Variants in PRKCH observed in about 807,000 individuals in gnomAD.
PRKCH encodes protein kinase C eta.
In PRKCH, 28 loss-of-function variants were observed where a neutral mutation model predicts 82.5. The observed-to-expected ratio is 0.34, with a 90% CI of 0.25 to 0.47. PRKCH has a LOEUF of 0.47. Among genes scored for constraint, PRKCH ranks in the 20% least tolerant of loss-of-function variants. The pLI, the probability that PRKCH is intolerant of heterozygous loss-of-function variation, is 1.00. For missense variants in PRKCH, 705 were observed against 881.8 expected (o/e 0.80, Z 2.54); for synonymous variants, 322 against 327.4 (o/e 0.98, Z 0.18).
At chr14:61,487,880 G>A (rs1170123621) in intron 10 of PRKCH, among the ~76,000 whole-genome samples, 5 of 151,544 alleles carry the variant, frequency 3.3e-5, no homozygotes, top group South Asian at 2.1e-4. Flanking sequence ...CCAGCCGGGC[G>A]CGGTGGCTCA....
chr14:61,264,343 A>C (rs1382570525), intron 1 of PRKCH, among the ~76,000 whole-genome samples: 1 of 152,238 alleles, frequency 6.6e-6, no homozygotes, highest in Non-Finnish European at 1.5e-5. Context: ...TAGCATTGCC[A>C]GTCCTAAGGT....
chr14:61,349,074 C>T, intron 1 of PRKCH, among the ~76,000 whole-genome samples: 1 of 152,364 alleles, frequency 6.6e-6, no homozygotes, highest in South Asian at 2.1e-4. Flanking sequence ...TAAAAGTATG[C>T]ACTTGAGACC....
chr14:61,271,322 A>T (rs2045151837), intron 1 of PRKCH, among the ~76,000 whole-genome samples: 1 of 152,114 alleles, frequency 6.6e-6, no homozygotes, highest in Non-Finnish European at 1.5e-5. Context: ...ACCCTACACT[A>T]AAATCACCCT....
chr14:61,513,087 T>A (rs1264486065), intron 10 of PRKCH, among the ~76,000 whole-genome samples: 3 of 152,116 alleles, frequency 2.0e-5, no homozygotes. Flanking sequence ...AACAGCGCAA[T>A]GGGATTGGTA....
At chr14:61,432,959 T>C (rs1434414181) in intron 2 of PRKCH, among the ~76,000 whole-genome samples, 2 of 149,796 alleles carry the variant, frequency 1.3e-5, no homozygotes, top group African/African-American at 5.0e-5. Context: ...ACAGGTTTGT[T>C]ACATAAGTAT....
intron 1 of PRKCH, among the ~76,000 whole-genome samples, chr14:61,386,212 G>A (rs1383180108): frequency 6.6e-6 from 1 of 152,236 alleles, no homozygotes; most frequent in Non-Finnish European, 1.5e-5. Context: ...GTGGTGGGAA[G>A]AGCTTAGGCT....
At chr14:61,514,587 A>G (rs535566919) in intron 10 of PRKCH, among the ~76,000 whole-genome samples, 2 of 152,156 alleles carry the variant, frequency 1.3e-5, no homozygotes, top group East Asian at 3.9e-4. Flanking sequence ...TCCCAGCACA[A>G]ACCAGAATCC....
In PRKCH at chr14:61,230,655, C is replaced by T. The variant is rs141157698; in HGVS notation, c.-19+42987C>T. 2.4e-3 allele frequency among the ~76,000 whole-genome samples: 362 copies of T among 152,328 alleles called. 1 individual carries two copies. The highest frequency in any genetic ancestry group is 8.3e-3 in the African/African-American group (346 of 41,572). The stretch of plus-strand genomic sequence containing the variant: ...AGAAATGTTTACTCACAAACACACA[C>T]ATTACAGAGAAGCTGTATGCAAACT... On this transcript the variant is annotated intron_variant, in intron 1 of 3. Coordinates refer to the PRKCH transcript ENST00000555185.
chr14:61,320,587 G>T (rs1021525366), upstream of PRKCH, among the ~76,000 whole-genome samples: 4 of 143,876 alleles, frequency 2.8e-5, no homozygotes, highest in African/African-American at 9.8e-5. Flanking sequence ...CAACAAAAGC[G>T]AAACTCCGTC....
intron 2 of PRKCH, among the ~76,000 whole-genome samples, chr14:61,410,295 T>C (rs550651731): frequency 6.6e-6 from 1 of 152,368 alleles, no homozygotes; most frequent in Non-Finnish European, 1.5e-5. Context: ...ATATCTCTTA[T>C]GCATTTTGAA....
chr14:61,235,319 C>T (rs1445035007), intron 1 of PRKCH, among the ~76,000 whole-genome samples: 2 of 152,228 alleles, frequency 1.3e-5, no homozygotes, highest in African/African-American at 4.8e-5. Context: ...GCATGCAATT[C>T]AGCTCACCAT....
chr14:61,329,254 T>TTTTTTTG (rs1555375988), intron 1 of PRKCH, among the ~76,000 whole-genome samples: 9,002 of 121,384 alleles, frequency 0.074, 755 homozygotes, highest in African/African-American at 0.1. Context: ...TTTTTTTTTT[T>TTTTTTTG]GAGACAGAAT....
chr14:61,320,830 G>A (rs544386592), upstream of PRKCH, among the ~76,000 whole-genome samples: 2 of 152,320 alleles, frequency 1.3e-5, no homozygotes, highest in African/African-American at 4.8e-5. Flanking sequence ...TTTCTTCCGC[G>A]TGTGTGTTGG....
rs185070202 is a variant in PRKCH at position 61,367,020 on chromosome 14, C to T, written c.364-24205C>T. Among the ~76,000 whole-genome samples, 10 of 152,082 alleles carry T rather than the reference C, an allele frequency of 6.6e-5. No homozygotes were observed. The East Asian group carries it at 1.9e-3, about 29-fold the overall frequency. ...TCGATGAGTAGGAAAGTCTGTTTTC[C>T]TGAATATATCCACTTTCCTACATAT... is the stretch of plus-strand genomic sequence containing the variant. On this transcript the variant is annotated intron_variant, in intron 1 of 13. Transcript: ENST00000332981.
At chr14:61,384,767 C>T (rs978438656) in intron 1 of PRKCH, among the ~76,000 whole-genome samples, 1 of 152,022 alleles carries the variant, frequency 6.6e-6, no homozygotes. Context: ...TGCTGCAAAC[C>T]AGGCATAGGA....
At chr14:61,364,023 T>G (rs1042555737) in intron 1 of PRKCH, among the ~76,000 whole-genome samples, 1 of 147,236 alleles carries the variant, frequency 6.8e-6, no homozygotes, top group East Asian at 1.9e-4. Flanking sequence ...TATATATATA[T>G]TTGTATATAT....
In PRKCH at chr14:61,294,278, G is replaced by A. The variant is rs543575946; in HGVS notation, c.-19+106610G>A. 7.2e-5 allele frequency among the ~76,000 whole-genome samples: 11 copies of A among 151,960 alleles called. No individual in the cohort carries two copies. In the East Asian group the frequency reaches 1.7e-3, roughly 24 times the overall value. The stretch of plus-strand genomic sequence containing the variant: ...TGGGACTACAGGTGCCTGCCACCAC[G>A]CCCAGCTAATTTTTCCTATTTTTAG... On this transcript the variant is annotated intron_variant, in intron 1 of 3. Coordinates refer to the PRKCH transcript ENST00000555185.
intron 1 of PRKCH, among the ~76,000 whole-genome samples, chr14:61,383,925 C>T (rs1014202217): frequency 6.6e-6 from 1 of 152,062 alleles, no homozygotes; most frequent in Admixed American, 6.5e-5. Flanking sequence ...AAAAGGGGAG[C>T]CCAAGTGGTC....
intron 1 of PRKCH, among the ~76,000 whole-genome samples, chr14:61,370,618 C>A (rs1324573234): frequency 6.6e-6 from 1 of 152,074 alleles, no homozygotes; most frequent in East Asian, 1.9e-4. Flanking sequence ...GTGTAATGGG[C>A]ACAATATCAT....
Sources: gnomAD v4.1 joint callset for allele counts (sites outside exome capture counted in the v4.1 genomes callset) on GRCh38, gnomAD v4.1.1 for gene constraint, MANE v1.5 for transcripts, NCBI Gene and HGNC (gene_info 2026-07-23, HGNC 2026-07-21) for gene names.